The following DNAH14 variants were observed in gnomAD, a reference collection of about 807,000 sequenced individuals.
DNAH14 encodes axonemal beta dynein heavy chain 14.
A neutral mutation model predicts 520.9 loss-of-function variants in DNAH14; 478 were observed. The observed-to-expected ratio is 0.92, with a 90% CI of 0.85 to 0.99. The LOEUF (loss-of-function observed/expected upper bound fraction) is 0.99. DNAH14 is among the 50% of genes least tolerant of loss of function. DNAH14 has a pLI of 0.00. For missense variants in DNAH14, 4,831 were observed against 5,234.5 expected (o/e 0.92, Z 2.38); for synonymous variants, 1,581 against 1,757.2 (o/e 0.90, Z 2.51).
At chr1:224,967,815 A>C in intron 6 of DNAH14, 1 of 1,365,064 alleles carries the variant, frequency 7.3e-7, no homozygotes, top group Non-Finnish European at 9.5e-7. Flanking sequence ...TCATCTATCA[A>C]ATACTTTGTT....
chr1:225,023,702 C>A lies in DNAH14; in HGVS notation c.1195C>A (p.Arg399Ser). 2 of 1,550,768 alleles carry A rather than the reference C, an allele frequency of 1.3e-6. No individual in the cohort carries two copies. The highest frequency in any genetic ancestry group is 1.7e-6 in the Non-Finnish European group (2 of 1,146,490). ...TTHFKLPKYR[R>S]LLETFFKFVM... ...ACATTTCAAGCTGCCTAAATATAGACGTTTATTAGAAACATTTTTCAAGTT... is the reference window on the plus strand; with the variant it reads ...ACATTTCAAGCTGCCTAAATATAGAAGTTTATTAGAAACATTTTTCAAGTT... Residue 399 changes from arginine to serine, a missense_variant, in exon 11 of 86, where the codon CGT becomes AGT. Physicochemically the swap from Arg to Ser is moderately radical, Grantham distance 110. Coordinates refer to ENST00000682510, the MANE Select transcript of DNAH14 (RefSeq NM_001367479.1).
chr1:224,982,362 C>A (rs1216658936), intron 8 of DNAH14, among the ~76,000 whole-genome samples: 1 of 152,138 alleles, frequency 6.6e-6, no homozygotes, highest in Non-Finnish European at 1.5e-5. Context: ...ACATTTTATT[C>A]ATCCGTCATT....
intron 39 of DNAH14, 59 bp downstream of exon 39, chr1:225,204,332 A>G (rs1163092664): frequency 1.1e-5 from 11 of 959,030 alleles, no homozygotes; most frequent in Non-Finnish European, 1.7e-5. Context: ...CTCAACCAAT[A>G]TGAGCTATAT....
intron 31 of DNAH14, among the ~76,000 whole-genome samples, chr1:225,148,620 T>A (rs1402663812): frequency 6.6e-6 from 1 of 152,082 alleles, no homozygotes; most frequent in East Asian, 1.9e-4. Flanking sequence ...CAGGCTGGTC[T>A]CAAACTCCTG....
At chr1:225,274,211 T>G (rs1252265075) in intron 52 of DNAH14, among the ~76,000 whole-genome samples, 1 of 134,570 alleles carries the variant, frequency 7.4e-6, no homozygotes, top group Non-Finnish European at 1.6e-5. Context: ...TTTTTTTTTT[T>G]TTTTTTTTTT....
intron 55 of DNAH14, among the ~76,000 whole-genome samples, chr1:225,290,996 C>T (rs1477225926): frequency 1.3e-5 from 2 of 151,714 alleles, no homozygotes; most frequent in Non-Finnish European, 1.5e-5. Context: ...AATTTTGTAT[C>T]CCTTAAAAAA....
chr1:225,106,589 T>C (rs1306556466), intron 23 of DNAH14, among the ~76,000 whole-genome samples: 3 of 152,220 alleles, frequency 2.0e-5, no homozygotes, highest in Non-Finnish European at 4.4e-5. Flanking sequence ...CTTTTTATTC[T>C]TTTTTCTCTA....
At chr1:225,085,900 T>C (rs2148618947) in intron 21 of DNAH14, 111 bp downstream of exon 21, 1 of 1,077,104 alleles carries the variant, frequency 9.3e-7, no homozygotes, top group East Asian at 3.0e-5. Context: ...ATTCATATAC[T>C]TATATAAAAA....
intron 34 of DNAH14, among the ~76,000 whole-genome samples, chr1:225,158,421 C>G (rs981541490): frequency 1.1e-4 from 17 of 152,258 alleles, no homozygotes; most frequent in African/African-American, 4.1e-4. Flanking sequence ...CCTCCATACA[C>G]TGGCTTGATT....
rs2068528323 is a variant in DNAH14, at chr1:225,051,450, G to T, written c.2080-1G>T. 1 of 1,468,218 alleles carries T rather than the reference G, an allele frequency of 6.8e-7. No homozygotes were observed. Among genetic ancestry groups the T allele is most frequent in the African/African-American group, 1.4e-5 (1 of 69,916 alleles). 90.9% of individuals were successfully genotyped at this position (1,468,218 alleles called of 1,614,324 possible). On this transcript the variant is annotated splice_acceptor_variant, in intron 16 of 85. Transcript: ENST00000682510. LOFTEE classifies it high-confidence loss of function. ...TAACATCTCAACATTCTTCTTTACA[G>T]ATTGTGAATCTCCTGACTATTATTG...
intron 23 of DNAH14, among the ~76,000 whole-genome samples, chr1:225,110,617 C>T (rs1239165357): frequency 6.7e-6 from 1 of 150,350 alleles, no homozygotes; most frequent in Non-Finnish European, 1.5e-5. Flanking sequence ...ATGTTTTTTT[C>T]TAAAAACAAC....
intron 79 of DNAH14, among the ~76,000 whole-genome samples, chr1:225,378,719 A>G (rs1455861612): frequency 6.6e-6 from 1 of 151,958 alleles, no homozygotes; most frequent in Non-Finnish European, 1.5e-5. Context: ...CGTCTCTACT[A>G]AAAATACAAA....
At chr1:224,995,438 T>G (rs1472553876) in intron 8 of DNAH14, among the ~76,000 whole-genome samples, 6 of 152,118 alleles carry the variant, frequency 3.9e-5, no homozygotes, top group Non-Finnish European at 7.4e-5. Flanking sequence ...GATTTTTTTT[T>G]GTATATGATC....
intron 55 of DNAH14, among the ~76,000 whole-genome samples, chr1:225,295,157 TTGTC>T (rs1558296141): frequency 6.6e-6 from 1 of 152,174 alleles, no homozygotes; most frequent in African/African-American, 2.4e-5. Flanking sequence ...CGTTTTTAGT[TTGTC>T]TAACTAATAG....
chr1:224,957,405 G>C (rs1055049484), intron 3 of DNAH14, among the ~76,000 whole-genome samples: 1 of 152,126 alleles, frequency 6.6e-6, no homozygotes, highest in Non-Finnish European at 1.5e-5. Context: ...GGAGCTCAGA[G>C]AAGTTAGGGC....
At chr1:225,027,703 G>A (rs1483036722) in intron 11 of DNAH14, among the ~76,000 whole-genome samples, 1 of 151,972 alleles carries the variant, frequency 6.6e-6, no homozygotes, top group Admixed American at 6.6e-5. Context: ...CAGCACAGAG[G>A]AAATCTTTCC....
chr1:225,202,204 A>G (rs1559275528), intron 38 of DNAH14, among the ~76,000 whole-genome samples: 1 of 152,120 alleles, frequency 6.6e-6, no homozygotes, highest in African/African-American at 2.4e-5. Context: ...AGAAAGCATC[A>G]GCTGTGGTAG....
chr1:225,294,524 T>A (rs1229160664), intron 55 of DNAH14, among the ~76,000 whole-genome samples: 1 of 152,146 alleles, frequency 6.6e-6, no homozygotes. Flanking sequence ...AATTTGTCTT[T>A]AATAGTTTGG....
At chr1:225,116,617 A>G (rs929365235) in intron 23 of DNAH14, among the ~76,000 whole-genome samples, 2 of 152,222 alleles carry the variant, frequency 1.3e-5, no homozygotes, top group African/African-American at 4.8e-5. Flanking sequence ...AAGAGCAAGT[A>G]TGTCTGTATC....
Sources: gnomAD v4.1 joint callset for allele counts (sites outside exome capture counted in the v4.1 genomes callset) on GRCh38, gnomAD v4.1.1 for gene constraint, MANE v1.5 for transcripts, NCBI Gene and HGNC (gene_info 2026-07-23, HGNC 2026-07-21) for gene names.